Variants in SNTG2 observed in about 807,000 individuals in gnomAD.
SNTG2 encodes syntrophin gamma 2, also known as gamma-2-syntrophin.
SNTG2 carries 74 observed loss-of-function variants against 70.9 expected under a neutral mutation model. The ratio of observed to expected loss-of-function variants is 1.04; its 90% confidence interval spans 0.86 to 1.27. The LOEUF is 1.27. Ranked by LOEUF, SNTG2 falls within the 50% of genes most tolerant of loss-of-function variation. The probability of loss-of-function intolerance (pLI) is 0.00; values close to 1 mark genes in which losing one functional copy is unlikely to be tolerated. For synonymous variants in SNTG2, 278 were observed against 273.8 expected, an observed-to-expected ratio of 1.02 and a Z score of -0.15; for missense variants, 717 against 690.7, an observed-to-expected ratio of 1.04 and a Z score of -0.43.
At chr2:1,102,987 T>C (rs2148225509) in intron 4 of SNTG2, among the ~76,000 whole-genome samples, 1 of 152,318 alleles carries the variant, frequency 6.6e-6, no homozygotes, top group East Asian at 1.9e-4. Context: ...ATTGTACCGT[T>C]GAGGTGCGGC....
At chr2:1,266,015 T>C (rs1678711176) in intron 13 of SNTG2, among the ~76,000 whole-genome samples, 3 of 151,782 alleles carry the variant, frequency 2.0e-5, no homozygotes, top group African/African-American at 7.3e-5. Flanking sequence ...AGTAAATGAA[T>C]GGGTGAGCTG....
chr2:1,255,885 A>AACATATATAAAT (rs1678060028), intron 12 of SNTG2, among the ~76,000 whole-genome samples: 1 of 90,478 alleles, frequency 1.1e-5, no homozygotes, highest in Non-Finnish European at 2.3e-5. Flanking sequence ...TATATATATA[A>AACATATATAAAT]ATATATATAA....
At chr2:1,240,761 A>G (rs1676994361) in intron 11 of SNTG2, among the ~76,000 whole-genome samples, 1 of 152,230 alleles carries the variant, frequency 6.6e-6, no homozygotes, top group South Asian at 2.1e-4. Flanking sequence ...ACATTTCTAC[A>G]TTAGAAAAGA....
chr2:1,201,674 C>A (rs1013521333), intron 8 of SNTG2, among the ~76,000 whole-genome samples: 1 of 151,888 alleles, frequency 6.6e-6, no homozygotes, highest in African/African-American at 2.4e-5. Flanking sequence ...ATTTTTAATA[C>A]CTTGTTTTGA....
At chr2:1,303,722 C>CA (rs557752606) in intron 14 of SNTG2, among the ~76,000 whole-genome samples, 24 of 150,846 alleles carry the variant, frequency 1.6e-4, no homozygotes, top group East Asian at 5.8e-4. Flanking sequence ...GAAAGACTCA[C>CA]AAAAAAAAGA....
chr2:1,243,762 T>C (rs931686266), intron 11 of SNTG2, among the ~76,000 whole-genome samples: 8 of 152,222 alleles, frequency 5.3e-5, no homozygotes, highest in African/African-American at 1.9e-4. Flanking sequence ...CTCGACAGTA[T>C]GTGAACACGT....
chr2:959,405 G>C (rs1464970156), intron 1 of SNTG2, among the ~76,000 whole-genome samples: 1 of 152,142 alleles, frequency 6.6e-6, no homozygotes, highest in Non-Finnish European at 1.5e-5. Context: ...ATTTTGTCGT[G>C]ACCTACAGAT....
At chr2:1,307,155 C>CTG (rs60717774) in intron 14 of SNTG2, among the ~76,000 whole-genome samples, 52,576 of 134,216 alleles carry the variant, frequency 0.39, 9,628 homozygotes, top group Middle Eastern at 0.55. Context: ...GAGCCATGTG[C>CTG]TGTGTGTGTG....
intron 7 of SNTG2, among the ~76,000 whole-genome samples, chr2:1,172,870 G>T (rs990958739): frequency 6.6e-6 from 1 of 152,142 alleles, no homozygotes; most frequent in Non-Finnish European, 1.5e-5. Context: ...CACAGGAGCC[G>T]GCAGTGGTCC....
intron 1 of SNTG2, among the ~76,000 whole-genome samples, chr2:1,054,056 C>T (rs1287558137): frequency 6.6e-6 from 1 of 152,130 alleles, no homozygotes; most frequent in East Asian, 1.9e-4. Flanking sequence ...GTGCAGCCCT[C>T]TAAGTGCTGC....
At chr2:1,210,891 C>CTGTATACAA (rs1673996059) in intron 9 of SNTG2, among the ~76,000 whole-genome samples, 1 of 152,102 alleles carries the variant, frequency 6.6e-6, no homozygotes, top group Non-Finnish European at 1.5e-5. Flanking sequence ...ACCATGTAGC[C>CTGTATACAA]TAGGTGTGTT....
intron 1 of SNTG2, among the ~76,000 whole-genome samples, chr2:995,055 C>A (rs1381831350): frequency 6.6e-6 from 1 of 151,574 alleles, no homozygotes; most frequent in Non-Finnish European, 1.5e-5. Context: ...AGTTTTAGTT[C>A]TTTTTTCCTC....
intron 8 of SNTG2, among the ~76,000 whole-genome samples, chr2:1,191,521 C>T (rs373706746): frequency 5.9e-4 from 90 of 152,216 alleles, no homozygotes; most frequent in African/African-American, 2.1e-3. Context: ...TGTGGCTGGG[C>T]GTGGTGGCTC....
At chr2:1,129,776 A>T (rs1441212697) in intron 4 of SNTG2, among the ~76,000 whole-genome samples, 1 of 152,120 alleles carries the variant, frequency 6.6e-6, no homozygotes, top group African/African-American at 2.4e-5. Context: ...TGTGCAATAG[A>T]CTCTGCCATC....
chr2:1,187,466 C>T (rs538067814), intron 8 of SNTG2, among the ~76,000 whole-genome samples: 212 of 152,288 alleles, frequency 1.4e-3, no homozygotes, highest in African/African-American at 5.0e-3. Flanking sequence ...ACTGCAGCCA[C>T]TTCCTGGGGC....
At chr2:1,055,280 T>TGGGGCCGCTCTGCTC (rs1382899083) in intron 1 of SNTG2, among the ~76,000 whole-genome samples, 1 of 152,264 alleles carries the variant, frequency 6.6e-6, no homozygotes, top group Non-Finnish European at 1.5e-5. Flanking sequence ...GTTCATGGCT[T>TGGGGCCGCTCTGCTC]GGGGCCGCTC....
At chr2:1,155,400 A>G (rs1669824105) in intron 6 of SNTG2, among the ~76,000 whole-genome samples, 1 of 152,042 alleles carries the variant, frequency 6.6e-6, no homozygotes, top group Admixed American at 6.6e-5. Context: ...TACACCACAT[A>G]TACATGCCCC....
At chr2:1,338,441 T>A (rs1659924866) in intron 16 of SNTG2, among the ~76,000 whole-genome samples, 1 of 152,218 alleles carries the variant, frequency 6.6e-6, no homozygotes. Flanking sequence ...CATTTTACTT[T>A]TTCATCCTAT....
chr2:967,122 A>T (rs999724040), intron 1 of SNTG2, among the ~76,000 whole-genome samples: 1 of 152,178 alleles, frequency 6.6e-6, no homozygotes, highest in Non-Finnish European at 1.5e-5. Context: ...ATGAGAAAAT[A>T]TGCGCCCTGT....
Sources: allele counts gnomAD v4.1 joint callset (sites outside exome capture counted in the v4.1 genomes callset), GRCh38; gene constraint gnomAD v4.1.1; transcripts MANE v1.5; gene names NCBI Gene and HGNC (gene_info 2026-07-23, HGNC 2026-07-21).